Variants in CDK6 observed in about 807,000 individuals in gnomAD.
CDK6 encodes cyclin-dependent kinase 6.
CDK6 carries 6 observed loss-of-function variants against 37.1 expected under a neutral mutation model. The observed-to-expected ratio is 0.16, with a 90% CI of 0.09 to 0.32. CDK6 has a LOEUF of 0.32. Among genes scored for constraint, CDK6 ranks in the 10% least tolerant of loss-of-function variants. The pLI, the probability that CDK6 is intolerant of heterozygous loss-of-function variation, is 1.00. For synonymous variants in CDK6, 160 were observed against 161.3 expected (o/e 0.99, Z 0.06); for missense variants, 224 against 418.9 (o/e 0.53, Z 4.06).
intron 2 of CDK6, among the ~76,000 whole-genome samples, chr7:92,782,433 C>A (rs1800016433): frequency 1.3e-5 from 2 of 152,262 alleles, no homozygotes; most frequent in South Asian, 4.1e-4. Context: ...AGCAGGGGCC[C>A]ACGGATGGCA....
intron 2 of CDK6, among the ~76,000 whole-genome samples, chr7:92,811,874 G>A (rs3731276): frequency 6.6e-6 from 1 of 151,962 alleles, no homozygotes; most frequent in Non-Finnish European, 1.5e-5. Flanking sequence ...TTAAAAGGGC[G>A]AGGCGCAGCA....
intron 3 of CDK6, among the ~76,000 whole-genome samples, chr7:92,732,887 A>C (rs1321770197): frequency 1.3e-5 from 2 of 152,198 alleles, no homozygotes; most frequent in African/African-American, 4.8e-5. Context: ...TACACATAAA[A>C]GGCCAGAGTG....
intron 2 of CDK6, among the ~76,000 whole-genome samples, chr7:92,818,451 A>ACT (rs1801083542): frequency 6.6e-6 from 1 of 152,018 alleles, no homozygotes; most frequent in Non-Finnish European, 1.5e-5. Flanking sequence ...CTTGACTTGA[A>ACT]TGCATCACAA....
intron 5 of CDK6, among the ~76,000 whole-genome samples, chr7:92,661,736 G>A (rs773396235): frequency 6.6e-5 from 10 of 152,150 alleles, no homozygotes; most frequent in Non-Finnish European, 4.4e-5. Flanking sequence ...AAGAGCTGGA[G>A]GTGGTGGAAA....
Position 92,614,825 on chromosome 7 carries a change from G to A in CDK6, c.*315C>T. 2.7e-6 allele frequency: 1 copy of A among 368,936 alleles called. No homozygotes were observed. Among genetic ancestry groups the A allele is most frequent in the Non-Finnish European group, 5.0e-6 (1 of 199,518 alleles). 22.9% of individuals were successfully genotyped at this position (368,936 alleles called of 1,614,324 possible). On this transcript the variant is annotated 3_prime_UTR_variant, in exon 8 of 8. Coordinates refer to ENST00000424848, the MANE Select transcript of CDK6 (RefSeq NM_001145306.2). ...TGCCTGGATTACCCACTCCACACTG[G>A]CAGCATTCAAGGTTAGAAAAATCAA... is the stretch of plus-strand genomic sequence containing the variant.
At chr7:92,670,215 A>T (rs1452873295) in intron 5 of CDK6, among the ~76,000 whole-genome samples, 1 of 152,178 alleles carries the variant, frequency 6.6e-6, no homozygotes, top group Non-Finnish European at 1.5e-5. Context: ...AGCATAAAAG[A>T]AGAGGTTTGA....
intron 2 of CDK6, among the ~76,000 whole-genome samples, chr7:92,781,921 G>A (rs781274191): frequency 3.9e-5 from 6 of 152,154 alleles, no homozygotes; most frequent in African/African-American, 7.2e-5. Flanking sequence ...CCTACACTAC[G>A]GATATGGGCC....
At chr7:92,809,860 A>T (rs1382638411) in intron 2 of CDK6, among the ~76,000 whole-genome samples, 2 of 152,188 alleles carry the variant, frequency 1.3e-5, no homozygotes, top group Non-Finnish European at 2.9e-5. Flanking sequence ...GTGTGGCTGA[A>T]AAGAGAAACC....
intron 6 of CDK6, among the ~76,000 whole-genome samples, chr7:92,621,693 A>G (rs564879195): frequency 6.6e-6 from 1 of 152,344 alleles, no homozygotes; most frequent in African/African-American, 2.4e-5. Flanking sequence ...GAGTGATTAA[A>G]TAACTTGCCA....
intron 3 of CDK6, among the ~76,000 whole-genome samples, chr7:92,756,129 C>G (rs147990733): frequency 3.4e-5 from 5 of 145,998 alleles, no homozygotes; most frequent in Middle Eastern, 3.4e-3. Context: ...GATTTAGGCA[C>G]AGATGAGTGA....
chr7:92,812,300 A>T lies in CDK6; in HGVS notation c.233+20791T>A, dbSNP rs185232074. Among the ~76,000 whole-genome samples, 581 of 152,340 alleles carry T rather than the reference A, an allele frequency of 3.8e-3. 4 individuals are homozygous for T. The highest frequency in any genetic ancestry group is 0.013 in the African/African-American group (545 of 41,570). On this transcript the variant is annotated intron_variant, in intron 2 of 7. Transcript: ENST00000424848. ...GTCATGTGGCAGAACTGGAATGTGA[A>T]CCCACATTTGACCTCCTCTCTTAGG...
At chr7:92,807,761 C>T (rs1800764953) in intron 2 of CDK6, among the ~76,000 whole-genome samples, 2 of 152,170 alleles carry the variant, frequency 1.3e-5, no homozygotes, top group South Asian at 4.1e-4. Flanking sequence ...TGACACAAGG[C>T]CTTCTCTTAT....
At chr7:92,723,810 T>G (rs1249354483) in intron 4 of CDK6, among the ~76,000 whole-genome samples, 2 of 151,806 alleles carry the variant, frequency 1.3e-5, no homozygotes, top group Admixed American at 6.6e-5. Context: ...CTCCTTTTCC[T>G]CTATGAAATA....
intron 4 of CDK6, among the ~76,000 whole-genome samples, chr7:92,715,881 C>T (rs1337866440): frequency 6.6e-6 from 1 of 152,126 alleles, no homozygotes; most frequent in Non-Finnish European, 1.5e-5. Flanking sequence ...CCAAAGATCC[C>T]AAGGGATCTT....
intron 4 of CDK6, among the ~76,000 whole-genome samples, chr7:92,674,988 C>T (rs1797171791): frequency 6.6e-6 from 1 of 152,148 alleles, no homozygotes; most frequent in Non-Finnish European, 1.5e-5. Flanking sequence ...CACGCCACCA[C>T]ACCTGGCTAA....
At chr7:92,687,835 A>G (rs978675756) in intron 4 of CDK6, among the ~76,000 whole-genome samples, 1 of 152,180 alleles carries the variant, frequency 6.6e-6, no homozygotes, top group Non-Finnish European at 1.5e-5. Flanking sequence ...CTGCACCCCT[A>G]TTTATATAAC....
chr7:92,615,170 G>T lies in CDK6; in HGVS notation c.951C>A (p.Ser317Arg), dbSNP rs2116476661. 2 of 1,614,038 alleles carry T rather than the reference G, an allele frequency of 1.2e-6. No homozygotes were observed. The highest frequency in any genetic ancestry group is 1.7e-6 in the Non-Finnish European group (2 of 1,180,036). ...KENLDSHLPP[S>R]QNTSELNTA ...CTGTATTCAGCTCCGAGGTGTTCTG[G>T]CTGGGCGGCAGGTGGGAATCCAGGT... Residue 317 changes from serine (S) to arginine (R), a missense_variant, in exon 8 of 8, where the codon AGC becomes AGA. Around this residue, in one of 5 missense-constraint regions of CDK6, gnomAD observed 90 missense variants for 136.2 expected, o/e 0.66. Transcript: ENST00000424848.
At chr7:92,676,080 AT>A (rs904115014) in intron 4 of CDK6, among the ~76,000 whole-genome samples, 52 of 151,356 alleles carry the variant, frequency 3.4e-4, no homozygotes, top group Non-Finnish European at 5.9e-4. Flanking sequence ...GTTGATTTCT[AT>A]TTTTATCTTT....
intron 2 of CDK6, 100 bp from the exon 3 acceptor site, chr7:92,774,931 A>G (rs566006414): frequency 9.3e-7 from 1 of 1,077,096 alleles, no homozygotes; most frequent in Non-Finnish European, 1.3e-6. Flanking sequence ...AATAGAAAAA[A>G]AAGGCCAGTG....
Sources: allele counts gnomAD v4.1 joint callset (sites outside exome capture counted in the v4.1 genomes callset), GRCh38; gene constraint gnomAD v4.1.1; regional missense constraint gnomAD v4.1.1; transcripts MANE v1.5; gene names NCBI Gene and HGNC (gene_info 2026-07-23, HGNC 2026-07-21).